Variants in GPC5 observed in about 807,000 individuals in gnomAD.
GPC5 encodes glypican-5.
GPC5 carries 47 observed loss-of-function variants against 53.9 expected under a neutral mutation model. The observed-to-expected ratio is 0.87, with a 90% CI of 0.69 to 1.11. The LOEUF (loss-of-function observed/expected upper bound fraction) is 1.11, where lower values mean the gene tolerates loss of function less well. Ranked by LOEUF, GPC5 falls within the 50% of genes most tolerant of loss-of-function variation. The pLI is 0.00. For synonymous variants in GPC5, 286 were observed against 263.3 expected (o/e 1.09, Z -0.84); for missense variants, 748 against 713.1 (o/e 1.05, Z -0.56).
intron 7 of GPC5, among the ~76,000 whole-genome samples, chr13:92,294,809 CTTTCTTTTTTTTT>C (rs1398087671): frequency 9.4e-4 from 85 of 90,230 alleles, no homozygotes; most frequent in African/African-American, 2.2e-3. Flanking sequence ...TGTGCTGTTT[CTTTCTTTTTTTTT>C]TTTCTTTTTT....
intron 7 of GPC5, among the ~76,000 whole-genome samples, chr13:92,540,613 G>T (rs888663133): frequency 6.6e-6 from 1 of 151,886 alleles, no homozygotes; most frequent in African/African-American, 2.4e-5. Context: ...TGGCCAACCA[G>T]TGGTCCAATT....
chr13:92,250,694 C>A (rs1206409113), intron 7 of GPC5, among the ~76,000 whole-genome samples: 45 of 152,094 alleles, frequency 3.0e-4, no homozygotes, highest in Non-Finnish European at 1.2e-4. Context: ...TAAAAAATAA[C>A]TATAGCTGGA....
At chr13:91,970,724 CAT>C (rs1217178739) in intron 6 of GPC5, among the ~76,000 whole-genome samples, 1 of 152,094 alleles carries the variant, frequency 6.6e-6, no homozygotes, top group African/African-American at 2.4e-5. Context: ...TTGAGATAAT[CAT>C]GTGGTTTTTG....
chr13:91,425,951 T>C (rs1238335926), intron 1 of GPC5, among the ~76,000 whole-genome samples: 3 of 152,080 alleles, frequency 2.0e-5, no homozygotes, highest in Admixed American at 2.0e-4. Flanking sequence ...GAGGGACTTA[T>C]TGGGAACTGA....
intron 1 of GPC5, among the ~76,000 whole-genome samples, chr13:91,414,304 C>A (rs1415680407): frequency 6.6e-6 from 1 of 152,198 alleles, no homozygotes; most frequent in African/African-American, 2.4e-5. Flanking sequence ...CTCTGTCCTG[C>A]CACCTTGTGA....
At chr13:91,496,286 C>G (rs1301217012) in intron 2 of GPC5, among the ~76,000 whole-genome samples, 3 of 152,076 alleles carry the variant, frequency 2.0e-5, no homozygotes, top group South Asian at 2.1e-4. Context: ...GGTATATTCA[C>G]AAAAGAAGAT....
chr13:91,725,990 C>G (rs1156239114), intron 3 of GPC5, among the ~76,000 whole-genome samples: 1 of 152,190 alleles, frequency 6.6e-6, no homozygotes, highest in Non-Finnish European at 1.5e-5. Flanking sequence ...TAATCTTACT[C>G]TATCCACTTA....
chr13:92,702,917 A>G (rs1413674852), intron 7 of GPC5, among the ~76,000 whole-genome samples: 1 of 151,612 alleles, frequency 6.6e-6, no homozygotes, highest in Non-Finnish European at 1.5e-5. Flanking sequence ...GGCATATTCC[A>G]CTTCAGATAT....
intron 6 of GPC5, among the ~76,000 whole-genome samples, chr13:91,981,516 C>A (rs1157933954): frequency 7.9e-5 from 12 of 152,292 alleles, no homozygotes; most frequent in South Asian, 4.1e-4. Flanking sequence ...GTCTCGATCT[C>A]CTGACCTCGT....
chr13:91,713,185 TG>T (rs1406665390), intron 3 of GPC5, among the ~76,000 whole-genome samples: 1 of 151,938 alleles, frequency 6.6e-6, no homozygotes, highest in African/African-American at 2.4e-5. Context: ...AGAGAGACTC[TG>T]TCATAAATAA....
chr13:92,152,672 G>A (rs370617371), intron 7 of GPC5, among the ~76,000 whole-genome samples: 25 of 150,866 alleles, frequency 1.7e-4, no homozygotes, highest in African/African-American at 5.6e-4. Flanking sequence ...CCGGGAGGCC[G>A]AGCTTGCAGT....
intron 1 of GPC5, among the ~76,000 whole-genome samples, chr13:91,415,482 T>TGGTGTTTC (rs1363375050): frequency 6.6e-6 from 1 of 152,158 alleles, no homozygotes; most frequent in African/African-American, 2.4e-5. Flanking sequence ...CACATAGACC[T>TGGTGTTTC]GGTGTTTCAC....
chr13:91,758,740 C>T (rs938628489), intron 5 of GPC5, among the ~76,000 whole-genome samples: 2 of 152,134 alleles, frequency 1.3e-5, no homozygotes, highest in African/African-American at 4.8e-5. Context: ...CCAGCTAATG[C>T]CTTCCCTTTC....
At chr13:92,221,811 C>T (rs150708407) in intron 7 of GPC5, among the ~76,000 whole-genome samples, 27 of 152,076 alleles carry the variant, frequency 1.8e-4, no homozygotes, top group South Asian at 1.5e-3. Flanking sequence ...TTTTTTCGTA[C>T]GACTCAAGAA....
intron 2 of GPC5, among the ~76,000 whole-genome samples, chr13:91,604,405 A>G (rs1462249099): frequency 0.013 from 2,021 of 151,422 alleles, 47 homozygotes; most frequent in African/African-American, 0.047. Flanking sequence ...TAATGCCGTA[A>G]TAAACATATG....
At chr13:92,029,310 A>C (rs2040823382) in intron 6 of GPC5, among the ~76,000 whole-genome samples, 1 of 152,302 alleles carries the variant, frequency 6.6e-6, no homozygotes, top group African/African-American at 2.4e-5. Context: ...TGTTCTATGA[A>C]ATTTTGACAA....
At chr13:92,454,362 A>G (rs1310318249) in intron 7 of GPC5, among the ~76,000 whole-genome samples, 2 of 152,090 alleles carry the variant, frequency 1.3e-5, no homozygotes, top group Non-Finnish European at 2.9e-5. Context: ...TGATTTTACC[A>G]TTGTATTGCT....
chr13:91,968,443 T>G (rs952158243), intron 6 of GPC5, among the ~76,000 whole-genome samples: 1 of 152,108 alleles, frequency 6.6e-6, no homozygotes, highest in Non-Finnish European at 1.5e-5. Context: ...ATGTGATAGT[T>G]TTTAATGATG....
chr13:91,615,207 A>G (rs879896433), intron 2 of GPC5, among the ~76,000 whole-genome samples: 4 of 152,162 alleles, frequency 2.6e-5, no homozygotes, highest in Non-Finnish European at 4.4e-5. Context: ...AAGAGTCTGT[A>G]TGAGTAGTTT....
Sources: allele counts gnomAD v4.1 joint callset (sites outside exome capture counted in the v4.1 genomes callset), GRCh38; gene constraint gnomAD v4.1.1; transcripts MANE v1.5; gene names NCBI Gene and HGNC (gene_info 2026-07-23, HGNC 2026-07-21).